ABCB1: variants seen among roughly 807,000 people sequenced by gnomAD.
The protein encoded by ABCB1 is ATP binding cassette subfamily B member 1, also known as ATP-dependent translocase ABCB1.
In ABCB1, 69 loss-of-function variants were observed where a neutral mutation model predicts 142.0. The ratio of observed to expected loss-of-function variants is 0.49; its 90% CI spans 0.40 to 0.59. The LOEUF (loss-of-function observed/expected upper bound fraction) is 0.59. ABCB1 is among the 20% of genes least tolerant of loss of function. The pLI is 0.00. For missense variants in ABCB1, 1,326 were observed against 1,554.7 expected, an observed-to-expected ratio of 0.85 and a Z score of 2.47; for synonymous variants, 532 against 539.2, an observed-to-expected ratio of 0.99 and a Z score of 0.18.
At position 87,504,288 on chromosome 7, in the gene ABCB1, G is replaced by T; in HGVS notation, c.3798C>A (p.Ile1266=). 6.2e-7 allele frequency: 1 copy of T among 1,614,084 alleles called. No homozygotes were observed. Among genetic ancestry groups the T allele is most frequent in the Non-Finnish European group, 8.5e-7 (1 of 1,180,030 alleles). ...THQQLLAQKG[I]YFSMVSVQAG... ...CCTGGACACTGACCATTGAAAAATA[G>T]ATGCCTTTCTGTGCCAGCAGCTGCT... The change falls in exon 28 of 28, where the codon ATC becomes ATA. Residue 1266 remains isoleucine (I), a synonymous_variant. Coordinates refer to ENST00000622132, the MANE Select transcript of ABCB1 (RefSeq NM_001348946.2).
intron 1 of ABCB1, among the ~76,000 whole-genome samples, chr7:87,626,077 CATATATAT>C (rs372003612): frequency 9.5e-5 from 8 of 84,318 alleles, no homozygotes; most frequent in Non-Finnish European, 1.3e-4. Flanking sequence ...CAGGCTGAGA[CATATATAT>C]ATATATATAT....
Position 87,504,133 on chromosome 7 carries a change from T to C in ABCB1, c.*110A>G, listed in dbSNP as rs1192072112. The C allele has an allele frequency of 2.8e-6, 4 of 1,407,506 alleles. No homozygotes were observed. Among genetic ancestry groups the C allele is most frequent in the Middle Eastern group, 2.4e-4 (1 of 4,202 alleles). 87.2% of individuals were successfully genotyped at this position (1,407,506 alleles called of 1,614,324 possible). On this transcript the variant is annotated 3_prime_UTR_variant, in exon 28 of 28. Transcript: ENST00000622132. ...AAGACTCTGAACTTGACTGAGGAAA[T>C]GTTAAACAGATACCTCTTCATAATT... is the stretch of plus-strand genomic sequence containing the variant.
At chr7:87,644,412 T>C (rs1276755894) in intron 1 of ABCB1, among the ~76,000 whole-genome samples, 2 of 152,230 alleles carry the variant, frequency 1.3e-5, no homozygotes, top group Non-Finnish European at 2.9e-5. Context: ...CTAACAGCAA[T>C]GACATATAAT....
chr7:87,603,871 CT>C (rs200208581), upstream of ABCB1, among the ~76,000 whole-genome samples: 90 of 152,306 alleles, frequency 5.9e-4, 1 homozygote, highest in East Asian at 0.017. Flanking sequence ...ATAGTATCTT[CT>C]AATGTTATGG....
In ABCB1 at chr7:87,509,452, C is replaced by G; in HGVS notation, c.3312G>C (p.Leu1104=). 6.2e-7 allele frequency: 1 copy of G among 1,614,136 alleles called. No homozygotes were observed. The highest frequency in any genetic ancestry group is 8.5e-7 in the Non-Finnish European group (1 of 1,180,018). The change falls in exon 26 of 28, where the codon CTG becomes CTC. Residue 1104 remains leucine (L), a synonymous_variant. Coordinates refer to ENST00000622132, the MANE Select transcript of ABCB1 (RefSeq NM_001348946.2). ...GGTGTGCTCGGAGCCACTGAACATT[C>G]AGTCGCTTTATTTCTTTGCCATCAA... ...VLLDGKEIKR[L]NVQWLRAHLG... is the part of the protein sequence containing the mutation.
chr7:87,651,718 A>T (rs774209531), intron 1 of ABCB1, among the ~76,000 whole-genome samples: 1 of 152,138 alleles, frequency 6.6e-6, no homozygotes, highest in Admixed American at 6.6e-5. Context: ...TCTCAGGCGT[A>T]CTGTGAAGAT....
Position 87,561,263 on chromosome 7 carries a change from C to A in ABCB1, c.827G>T (p.Arg276Met). Residue 276 changes from arginine (R) to methionine (M), a missense_variant and splice_region_variant, in exon 8 of 28, where the codon AGG becomes ATG. Coordinates refer to ENST00000622132, the MANE Select transcript of ABCB1 (RefSeq NM_001348946.2). ...AFGGQKKELE[R>M]YNKNLEEAKR... Reference sequence around the variant, plus strand: ...ATCCATTTAAAAAAGAAACTCAAACCTTTCAAGTTCTTTCTTTTGTCCTCC... The same window carrying A: ...ATCCATTTAAAAAAGAAACTCAAACATTTCAAGTTCTTTCTTTTGTCCTCC... 1.2e-6 allele frequency: 2 copies of A among 1,613,548 alleles called. No individual in the cohort carries two copies. The highest frequency in any genetic ancestry group is 1.7e-6 in the Non-Finnish European group (2 of 1,179,776).
upstream of ABCB1, among the ~76,000 whole-genome samples, chr7:87,603,523 A>G (rs140004413): frequency 5.1e-3 from 777 of 152,332 alleles, 4 homozygotes; most frequent in African/African-American, 0.017. Context: ...ACTATATCAT[A>G]TCTAACAGTT....
At chr7:87,531,630 A>T in intron 20 of ABCB1, 133 bp from the exon 21 acceptor site, 1 of 805,566 alleles carries the variant, frequency 1.2e-6, no homozygotes, top group East Asian at 2.7e-5. Flanking sequence ...GTAAAGGTCT[A>T]CTTGTAAGTT....
At chr7:87,589,336 TA>T (rs1323734304) in intron 3 of ABCB1, among the ~76,000 whole-genome samples, 1 of 152,180 alleles carries the variant, frequency 6.6e-6, no homozygotes, top group Non-Finnish European at 1.5e-5. Flanking sequence ...TATGCAAATA[TA>T]TGATATAAGC....
chr7:87,664,697 T>C (rs1188529558), intron 1 of ABCB1, among the ~76,000 whole-genome samples: 2 of 152,010 alleles, frequency 1.3e-5, no homozygotes, highest in Non-Finnish European at 2.9e-5. Flanking sequence ...ATAGAAATGA[T>C]CCAATCTGAA....
intron 9 of ABCB1, among the ~76,000 whole-genome samples, chr7:87,553,501 T>C (rs1025416073): frequency 2.6e-4 from 39 of 151,986 alleles, no homozygotes; most frequent in Non-Finnish European, 5.4e-4. Context: ...TTTGTATTTT[T>C]TGTAGAGACG....
rs780427778 is a variant in ABCB1 at position 87,566,135 on chromosome 7, T to C, written c.637A>G (p.Lys213Glu). 1.2e-6 allele frequency: 2 copies of C among 1,614,066 alleles called. No homozygotes were observed. Among genetic ancestry groups the C allele is most frequent in the Non-Finnish European group, 1.7e-6 (2 of 1,180,022 alleles). Residue 213 changes from lysine (K) to glutamate (E), a missense_variant, in exon 7 of 28, where the codon AAG (lysine) becomes GAG (glutamate). By Grantham distance (56) the Lys-to-Glu change is moderately conservative. Coordinates refer to ENST00000622132, the MANE Select transcript of ABCB1 (RefSeq NM_001348946.2). The part of the protein sequence containing the change: ...GFIVGFTRGW[K>E]LTLVILAISP... ...ATGGCCAAAATCACAAGGGTTAGCT[T>C]CCAACCACGTGTAAATCCTACTATA...
chr7:87,508,587 C>A (rs753784011), intron 26 of ABCB1, among the ~76,000 whole-genome samples: 10 of 152,086 alleles, frequency 6.6e-5, no homozygotes, highest in Non-Finnish European at 1.0e-4. Context: ...CCCATAGGAC[C>A]ACAGCCCAGG....
At chr7:87,546,315 G>A (rs752808088) in intron 14 of ABCB1, among the ~76,000 whole-genome samples, 7 of 152,062 alleles carry the variant, frequency 4.6e-5, no homozygotes, top group Non-Finnish European at 7.4e-5. Context: ...TGGGCCGGGC[G>A]TGGTGGCTCA....
intron 1 of ABCB1, chr7:87,700,337 T>C (rs1244580549): frequency 2.5e-6 from 3 of 1,216,102 alleles, no homozygotes; most frequent in East Asian, 5.1e-5. Flanking sequence ...TACCTTTATT[T>C]TTCAGAATTT....
chr7:87,561,559 C>T (rs532175794), intron 7 of ABCB1, among the ~76,000 whole-genome samples, 172 bp from the exon 8 acceptor site: 2 of 152,266 alleles, frequency 1.3e-5, no homozygotes, highest in South Asian at 4.1e-4. Flanking sequence ...TAAACCTCTC[C>T]CTGAAACCAG....
At chr7:87,580,799 ATTCT>A (rs1818473355) in intron 4 of ABCB1, among the ~76,000 whole-genome samples, 1 of 151,600 alleles carries the variant, frequency 6.6e-6, no homozygotes, top group Non-Finnish European at 1.5e-5. Context: ...AAGCTCACTA[ATTCT>A]TCCTTCTGCT....
intron 25 of ABCB1, among the ~76,000 whole-genome samples, chr7:87,513,465 C>G (rs1444858986): frequency 2.0e-5 from 3 of 151,996 alleles, no homozygotes; most frequent in Non-Finnish European, 4.4e-5. Flanking sequence ...TTGTTGTTTT[C>G]AACTCCAACA....
Sources: gnomAD v4.1 joint callset for allele counts (sites outside exome capture counted in the v4.1 genomes callset) on GRCh38, gnomAD v4.1.1 for gene constraint, MANE v1.5 for transcripts, NCBI Gene and HGNC (gene_info 2026-07-23, HGNC 2026-07-21) for gene names.